The following CTCFL variants were observed in gnomAD, a reference collection of about 807,000 sequenced individuals.
The protein encoded by CTCFL is transcriptional repressor CTCFL.
A neutral mutation model predicts 67.4 loss-of-function variants in CTCFL; 36 were observed. The ratio of observed to expected loss-of-function variants is 0.53; its 90% CI spans 0.41 to 0.71. The LOEUF (loss-of-function observed/expected upper bound fraction) is 0.71. Among genes scored for constraint, CTCFL ranks in the 30% least tolerant of loss-of-function variants. The pLI, the probability that CTCFL is intolerant of heterozygous loss-of-function variation, is 0.00. For missense variants in CTCFL, 786 were observed against 835.2 expected, an observed-to-expected ratio of 0.94 and a Z score of 0.73; for synonymous variants, 324 against 302.3, an observed-to-expected ratio of 1.07 and a Z score of -0.75.
chr20:57,507,660 G>A (rs76992656), intron 9 of CTCFL: 3 of 702,918 alleles, frequency 4.3e-6, no homozygotes, highest in South Asian at 3.0e-5. Flanking sequence ...AGCTGTCCTG[G>A]AAGTGGATCC....
intron 10 of CTCFL, among the ~76,000 whole-genome samples, chr20:57,501,079 A>G (rs962027196): frequency 6.6e-6 from 1 of 152,200 alleles, no homozygotes; most frequent in Non-Finnish European, 1.5e-5. Flanking sequence ...TGTCTTCTCC[A>G]GTAAAGGACT....
intron 5 of CTCFL, among the ~76,000 whole-genome samples, chr20:57,517,931 C>G (rs955379449): frequency 6.6e-6 from 1 of 152,172 alleles, no homozygotes; most frequent in Non-Finnish European, 1.5e-5. Flanking sequence ...ACCTTTAACT[C>G]AGATGAGAAA....
At position 57,523,048 on chromosome 20, in the gene CTCFL, T is replaced by C. The variant is rs1387873136; in HGVS notation, c.754+20A>G. 2 of 1,601,194 alleles carry C rather than the reference T, an allele frequency of 1.2e-6. No individual in the cohort carries two copies. The highest frequency in any genetic ancestry group is 1.7e-5 in the Admixed American group (1 of 59,176). ...CAGCCCAGTTTTAGGGAGTGTATTC[T>C]ATGAGATGAACTGGCCTACCCTTTG... On this transcript the variant is annotated intron_variant, in intron 3 of 10. Coordinates refer to ENST00000243914, the MANE Select transcript of CTCFL (RefSeq NM_001386993.1).
intron 9 of CTCFL, among the ~76,000 whole-genome samples, chr20:57,505,786 T>C (rs939701018): frequency 6.6e-6 from 1 of 152,232 alleles, no homozygotes; most frequent in African/African-American, 2.4e-5. Flanking sequence ...TCAAGCCTAC[T>C]CGTGACATAG....
At chr20:57,509,040 T>C (rs2068385226) in intron 8 of CTCFL, among the ~76,000 whole-genome samples, 1 of 152,166 alleles carries the variant, frequency 6.6e-6, no homozygotes, top group African/African-American at 2.4e-5. Context: ...TCCTGTCCTG[T>C]TGGGATGTGG....
intron 2 of CTCFL, 51 bp from the exon 3 acceptor site, chr20:57,523,329 A>C: frequency 6.6e-7 from 1 of 1,524,594 alleles, no homozygotes; most frequent in Non-Finnish European, 9.0e-7. Flanking sequence ...CAGTATAATT[A>C]GACTTTTGCC....
At chr20:57,507,998 A>G in intron 9 of CTCFL, 1 of 627,698 alleles carries the variant, frequency 1.6e-6, no homozygotes, top group Non-Finnish European at 2.8e-6. Context: ...GCCAGAGTGC[A>G]GTGGTGCGAT....
At chr20:57,497,160 C>A, downstream of CTCFL, 1 of 771,004 alleles carries the variant, frequency 1.3e-6, no homozygotes, top group Non-Finnish European at 1.6e-6. Context: ...TGACATATAA[C>A]AAATATAGCA....
At chr20:57,524,431 T>C (rs991568601) in intron 1 of CTCFL, 5 of 1,389,798 alleles carry the variant, frequency 3.6e-6, no homozygotes, top group Non-Finnish European at 4.7e-6. Flanking sequence ...CAGGATTTTG[T>C]ACAAAACCCT....
rs368864885 is a variant in CTCFL, at chr20:57,508,729, A to G, written c.1551T>C (p.Leu517=). ...THTGEKPFTC[L]SCNKCFRQKQ... Reference sequence around the variant, plus strand: ...TCTGTCGGAAACATTTATTGCAAGAAAGGCAGGTGAATGGTTTCTCTCCAG... The same window carrying G: ...TCTGTCGGAAACATTTATTGCAAGAGAGGCAGGTGAATGGTTTCTCTCCAG... Residue 517 remains leucine, a synonymous_variant, in exon 9 of 11, where the codon CTT becomes CTC. Coordinates refer to ENST00000243914, the MANE Select transcript of CTCFL (RefSeq NM_001386993.1). 5.0e-6 allele frequency: 8 copies of G among 1,614,080 alleles called. No homozygotes were observed. In the African/African-American group the frequency reaches 9.3e-5, roughly 19 times the overall value.
intron 9 of CTCFL, 90 bp from the exon 10 acceptor site, chr20:57,503,691 G>A: frequency 7.1e-7 from 1 of 1,413,148 alleles, no homozygotes; most frequent in African/African-American, 1.4e-5. Flanking sequence ...CGCATGGAAA[G>A]AAAGAAAAAT....
Position 57,498,474 on chromosome 20 carries a change from T to C in CTCFL, c.*76A>G. On this transcript the variant is annotated 3_prime_UTR_variant, in exon 11 of 11. Transcript: ENST00000243914. ...CACTTATCCATCGTGTTGAGGAGCA[T>C]TTCACACCTTAAATGCTAAAAACTT... The C allele has an allele frequency of 6.5e-7, 1 of 1,545,878 alleles. No individual in the cohort carries two copies. Among genetic ancestry groups the C allele is most frequent in the South Asian group, 1.3e-5 (1 of 79,078 alleles).
chr20:57,499,084 T>A (rs935552818), intron 10 of CTCFL, among the ~76,000 whole-genome samples: 3 of 79,062 alleles, frequency 3.8e-5, no homozygotes, highest in South Asian at 6.0e-4. Flanking sequence ...GGGGGGGGGG[T>A]GGGGGGGGGA....
chr20:57,507,891 C>T (rs1188312702), intron 9 of CTCFL: 2 of 702,826 alleles, frequency 2.8e-6, no homozygotes, highest in Non-Finnish European at 5.2e-6. Context: ...AAGAATAAAA[C>T]CATAAATGTA....
At chr20:57,515,886 A>C (rs577093587) in intron 5 of CTCFL, 52 bp from the exon 6 acceptor site, 2 of 1,566,986 alleles carry the variant, frequency 1.3e-6, no homozygotes, top group South Asian at 1.2e-5. Context: ...AAAATGGCAG[A>C]GTCTTCCATT....
intron 9 of CTCFL, chr20:57,506,824 T>A (rs189185449): frequency 1.0e-6 from 1 of 985,234 alleles, no homozygotes; most frequent in East Asian, 1.1e-4. Context: ...TCGTTAATTT[T>A]AACTCTTCAC....
intron 7 of CTCFL, chr20:57,513,871 T>TC: frequency 7.8e-7 from 1 of 1,288,996 alleles, no homozygotes; most frequent in African/African-American, 1.5e-5. Flanking sequence ...GGCCCAGGAA[T>TC]CCTGAAACAA....
chr20:57,523,047 C>T (rs771867715), intron 3 of CTCFL, 21 bp downstream of exon 3: 2 of 1,600,632 alleles, frequency 1.2e-6, no homozygotes, highest in Non-Finnish European at 1.7e-6. Flanking sequence ...GGAGTGTATT[C>T]TATGAGATGA....
chr20:57,496,439 G>C (rs2067725373), downstream of CTCFL: 1 of 466,164 alleles, frequency 2.1e-6, no homozygotes, highest in Non-Finnish European at 3.8e-6. Context: ...TGTGAGAAAG[G>C]ACTAACACAA....
Sources: gnomAD v4.1 joint callset for allele counts (sites outside exome capture counted in the v4.1 genomes callset) on GRCh38, gnomAD v4.1.1 for gene constraint, MANE v1.5 for transcripts, NCBI Gene and HGNC (gene_info 2026-07-23, HGNC 2026-07-21) for gene names.